Variants in MEGF8 observed in about 807,000 individuals in gnomAD.
MEGF8 encodes the protein multiple epidermal growth factor-like domains protein 8.
In MEGF8, 156 loss-of-function variants were observed where a neutral mutation model predicts 302.9. That is an observed-to-expected ratio of 0.52 (90% CI 0.45 to 0.59). The LOEUF (loss-of-function observed/expected upper bound fraction) is 0.59, where lower values mean the gene tolerates loss of function less well. Among genes scored for constraint, MEGF8 ranks in the 20% least tolerant of loss-of-function variants. The pLI, the probability that MEGF8 is intolerant of heterozygous loss-of-function variation, is 0.00. For synonymous variants in MEGF8, 1,621 were observed against 1,660.5 expected, an observed-to-expected ratio of 0.98 and a Z score of 0.58; for missense variants, 3,345 against 3,964.5, an observed-to-expected ratio of 0.84 and a Z score of 4.20.
intron 12 of MEGF8, among the ~76,000 whole-genome samples, chr19:42,345,531 G>GC: frequency 6.6e-6 from 1 of 152,202 alleles, no homozygotes; most frequent in East Asian, 1.9e-4. Flanking sequence ...GTACATGGAG[G>GC]CCTGTACTAT....
chr19:42,367,601 G>A (rs979551515), intron 35 of MEGF8, among the ~76,000 whole-genome samples: 1 of 152,112 alleles, frequency 6.6e-6, no homozygotes, highest in South Asian at 2.1e-4. Flanking sequence ...CCCCACTCCT[G>A]ATACTCTTTT....
At position 42,369,395 on chromosome 19, in the gene MEGF8, T is replaced by C. The variant is rs1210011755; in HGVS notation, c.6642-136T>C. 2.3e-6 allele frequency: 2 copies of C among 868,132 alleles called. No homozygotes were observed. Among genetic ancestry groups the C allele is most frequent in the Non-Finnish European group, 3.5e-6 (2 of 574,216 alleles). The allele number at this position is 868,132 out of a possible 1,614,324, so 53.8% of individuals were successfully genotyped here. On this transcript the variant is annotated intron_variant, in intron 37 of 41. Coordinates refer to ENST00000251268, the MANE Select transcript of MEGF8 (RefSeq NM_001271938.2). This position sits in a 1 kb window ranked among gnomAD's most constrained non-coding sequence, Gnocchi z 5.7. ...CTGGAGGGGGTGGTGGGCTAGATCCTGAAGAGAAGATAGCAACGGGACAGA... is the reference window on the plus strand; with the variant it reads ...CTGGAGGGGGTGGTGGGCTAGATCCCGAAGAGAAGATAGCAACGGGACAGA...
chr19:42,348,393 AG>A lies in MEGF8; in HGVS notation c.2221del (p.Asp741ThrfsTer63), dbSNP rs1247435370. ...LPGGPGGPGA[E>X]DVAVWTRAQR... ...GGAGGGCCAGGTGGACCAGGGGCTGAGGACGTGGCCGTGTGGACGCGGGCCC... is the reference window on the plus strand; with the variant it reads ...GGAGGGCCAGGTGGACCAGGGGCTGAGACGTGGCCGTGTGGACGCGGGCCC... On this transcript the variant is annotated frameshift_variant, in exon 13 of 42. Coordinates refer to ENST00000251268, the MANE Select transcript of MEGF8 (RefSeq NM_001271938.2). LOFTEE classifies it high-confidence loss of function. 1.3e-6 allele frequency: 2 copies of A among 1,537,076 alleles called. No individual in the cohort carries two copies. Among genetic ancestry groups the A allele is most frequent in the South Asian group, 2.4e-5 (2 of 84,060 alleles).
chr19:42,361,042 G>A (rs781486359), intron 32 of MEGF8, 36 bp downstream of exon 32: 2 of 1,521,048 alleles, frequency 1.3e-6, no homozygotes, highest in Non-Finnish European at 1.8e-6. Flanking sequence ...GTGGGGAGTG[G>A]AGCCCTCTAA....
rs147539384 is a variant in MEGF8 at position 42,356,105 on chromosome 19, C to T, written c.4415C>T (p.Ala1472Val). The T allele has an allele frequency of 1.0e-5, 16 of 1,587,250 alleles. No homozygotes were observed. The highest frequency in any genetic ancestry group is 1.2e-5 in the Non-Finnish European group (14 of 1,165,074). The part of the protein sequence containing the change: ...CNQSLGVCIC[A>V]EGFGGPDCAT... Reference sequence around the variant, plus strand: ...CAGAGCCTGGGTGTGTGCATCTGTGCCGAGGGCTTCGGGGGCCCCGACTGC... The same window carrying T: ...CAGAGCCTGGGTGTGTGCATCTGTGTCGAGGGCTTCGGGGGCCCCGACTGC... The change falls in exon 25 of 42, where the codon GCC (alanine) becomes GTC (valine). Residue 1472 changes from alanine to valine, a missense_variant. By Grantham distance (64) the Ala-to-Val change is moderately conservative (BLOSUM62 0). Transcript: ENST00000251268. This position sits in a 1 kb window ranked among gnomAD's most constrained non-coding sequence, Gnocchi z 5.2.
rs1462421203 is a variant in MEGF8 at position 42,378,011 on chromosome 19, G to T, written c.*1236G>T. The T allele has an allele frequency of 6.6e-6, 1 of 152,226 alleles. No individual in the cohort carries two copies. The highest frequency in any genetic ancestry group is 1.5e-5 in the Non-Finnish European group (1 of 68,064). The allele number at this position is 152,226 out of a possible 1,614,324, so 9.4% of individuals were successfully genotyped here. ...CCCTAGCTTTGTGGCCTGAACTGTG[G>T]GTGGCTGAGGGGATCGTTAATTGAA... On this transcript the variant is annotated 3_prime_UTR_variant, in exon 42 of 42. Transcript: ENST00000251268.
chr19:42,362,865 TC>T (rs2039552834), intron 34 of MEGF8, among the ~76,000 whole-genome samples, 182 bp from the exon 35 acceptor site: 1 of 142,976 alleles, frequency 7.0e-6, no homozygotes, highest in African/African-American at 2.7e-5. Context: ...GGGCCTGGAC[TC>T]CTGGGTCTGA....
In MEGF8 at chr19:42,368,430, T is replaced by TC; in HGVS notation, c.6274-21dup. 10 of 1,544,342 alleles carry TC rather than the reference T, an allele frequency of 6.5e-6. No homozygotes were observed. Among genetic ancestry groups the TC allele is most frequent in the African/African-American group, 1.4e-5 (1 of 72,980 alleles). ...TTTCCCCATCTCTCTCTTCCCTGCA[T>TC]CCCCATCCCCTCCCCCCCATACAGT... On this transcript the variant is annotated intron_variant, in intron 35 of 41. Transcript: ENST00000251268. The surrounding 1 kb of genome is among the most constrained non-coding windows in gnomAD (Gnocchi z 4.9).
chr19:42,372,494 C>T (rs2039706760), intron 41 of MEGF8, among the ~76,000 whole-genome samples: 1 of 152,058 alleles, frequency 6.6e-6, no homozygotes, highest in South Asian at 2.1e-4. Flanking sequence ...CTCTCCAGTC[C>T]CAGAGGGAAG....
At position 42,343,461 on chromosome 19, in the gene MEGF8, G is replaced by A. The variant is rs758929945; in HGVS notation, c.1514-16G>A. The A allele has an allele frequency of 1.3e-6, 2 of 1,576,116 alleles. No individual in the cohort carries two copies. On this transcript the variant is annotated splice_polypyrimidine_tract_variant and intron_variant, in intron 8 of 41. Coordinates refer to ENST00000251268, the MANE Select transcript of MEGF8 (RefSeq NM_001271938.2). ...CTGGGGGTCTAATAATGTCATTGGG[G>A]TCTCTATTCCCCTAGGCCGAGCAGC... is the stretch of plus-strand genomic sequence containing the variant.
At chr19:42,359,264 C>A in intron 31 of MEGF8, 22 bp downstream of exon 31, 1 of 1,530,320 alleles carries the variant, frequency 6.5e-7, no homozygotes, top group Non-Finnish European at 8.8e-7. Flanking sequence ...TTGTGGCTCC[C>A]AGGAGGCTGA....
rs764681351 is a variant in MEGF8 at position 42,353,555 on chromosome 19, A to G, written c.3641A>G (p.Asn1214Ser). 1 of 1,604,906 alleles carries G rather than the reference A, an allele frequency of 6.2e-7. No homozygotes were observed. The highest frequency in any genetic ancestry group is 1.7e-5 in the Admixed American group (1 of 59,022). ...GSRGCRPCQCNGHGDPRRGHC... is the reference protein window; with the variant it reads ...GSRGCRPCQCSGHGDPRRGHC... ...AGGGGCTGCCGGCCCTGCCAGTGCA[A>G]CGGGCACGGGGACCCACGCCGTGGC... Residue 1214 changes from asparagine (N) to serine (S), a missense_variant, in exon 21 of 42, where the codon AAC becomes AGC. Transcript: ENST00000251268. The surrounding 1 kb of genome is among the most constrained non-coding windows in gnomAD (Gnocchi z 6.1).
In MEGF8 at chr19:42,348,289, C is replaced by T; in HGVS notation, c.2115C>T (p.Ser705=). Residue 705 remains serine (S), a synonymous_variant, in exon 13 of 42, where the codon AGC becomes AGT. Coordinates refer to ENST00000251268, the MANE Select transcript of MEGF8 (RefSeq NM_001271938.2). The stretch of plus-strand genomic sequence containing the variant: ...TGGCACAGGTCTCAATTGTCCGCAG[C>T]ACGACCATCACCCTAACACCCAGCG... The part of the protein sequence containing the change: ...SQPDKVSIVR[S]TTITLTPSAE... The T allele has an allele frequency of 6.5e-7, 1 of 1,537,434 alleles. No homozygotes were observed. Among genetic ancestry groups the T allele is most frequent in the Non-Finnish European group, 8.7e-7 (1 of 1,146,864 alleles).
chr19:42,348,372 G>A lies in MEGF8; in HGVS notation c.2198G>A (p.Gly733Glu). Residue 733 changes from glycine to glutamate, a missense_variant, in exon 13 of 42, where the codon GGG becomes GAG. Coordinates refer to ENST00000251268, the MANE Select transcript of MEGF8 (RefSeq NM_001271938.2). Reference protein sequence around the residue: ...RGFIYPMLPGGPGGPGAEDVA... With the variant: ...RGFIYPMLPGEPGGPGAEDVA... ...TTCATCTACCCAATGCTGCCTGGAG[G>A]GCCAGGTGGACCAGGGGCTGAGGAC... The A allele has an allele frequency of 6.5e-7, 1 of 1,537,360 alleles. No individual in the cohort carries two copies. Among genetic ancestry groups the A allele is most frequent in the Non-Finnish European group, 8.7e-7 (1 of 1,146,914 alleles).
rs557944982 is a variant in MEGF8 at position 42,350,915 on chromosome 19, T to G, written c.2737-301T>G. Among the ~76,000 whole-genome samples the G allele has an allele frequency of 1.4e-4, 22 of 152,252 alleles. No homozygotes were observed. The South Asian group carries it at 4.4e-3, about 30-fold the overall frequency. ...GGCCTTGTACAGGCTCCTGGGCCAA[T>G]GACTGGAGTTGTGGGGAGGGAATGT... On this transcript the variant is annotated intron_variant, in intron 15 of 41. Coordinates refer to ENST00000251268, the MANE Select transcript of MEGF8 (RefSeq NM_001271938.2).
intron 1 of MEGF8, among the ~76,000 whole-genome samples, chr19:42,328,261 T>C (rs985720661): frequency 3.3e-5 from 5 of 151,478 alleles, no homozygotes; most frequent in African/African-American, 1.2e-4. Flanking sequence ...CCTCACAGAG[T>C]AGTGGATGTA....
rs896147481 is a variant in MEGF8 at position 42,333,600 on chromosome 19, C to T, written c.188-5C>T. ...GAGCTTGGTCCCTCTGTGCTCACCT[C>T]CCAGCCCCAAGCCCCCAGCACCGGA... is the stretch of plus-strand genomic sequence containing the variant. On this transcript the variant is annotated splice_polypyrimidine_tract_variant and splice_region_variant and intron_variant, in intron 1 of 41. Transcript: ENST00000251268. 3 of 1,612,916 alleles carry T rather than the reference C, an allele frequency of 1.9e-6. No homozygotes were observed. The highest frequency in any genetic ancestry group is 2.7e-5 in the African/African-American group (2 of 74,944).
chr19:42,354,535 G>T lies in MEGF8; in HGVS notation c.4012-53G>T. The T allele has an allele frequency of 6.4e-7, 1 of 1,570,624 alleles. No homozygotes were observed. The highest frequency in any genetic ancestry group is 2.3e-5 in the East Asian group (1 of 44,026). On this transcript the variant is annotated intron_variant, in intron 22 of 41. Coordinates refer to ENST00000251268, the MANE Select transcript of MEGF8 (RefSeq NM_001271938.2). The surrounding 1 kb of genome is among the most constrained non-coding windows in gnomAD (Gnocchi z 4.3). ...GAACCCCTCCTCCTCCCAGACCCCA[G>T]GTGTCGTTCTCATCCTCATTGTCTC...
chr19:42,370,051 C>A, intron 38 of MEGF8, 138 bp from the exon 39 acceptor site: 1 of 998,526 alleles, frequency 1.0e-6, no homozygotes, highest in Non-Finnish European at 1.5e-6. Flanking sequence ...GGCTAAATCC[C>A]GCTGGGATTG....
Sources: gnomAD v4.1 joint callset for allele counts (sites outside exome capture counted in the v4.1 genomes callset) on GRCh38, gnomAD v4.1.1 for gene constraint, Gnocchi (gnomAD v3.1) non-coding constraint, MANE v1.5 for transcripts, NCBI Gene and HGNC (gene_info 2026-07-23, HGNC 2026-07-21) for gene names.